The following MYOF variants were observed in gnomAD, a reference collection of about 807,000 sequenced individuals.
MYOF encodes fer-1-like 3, myoferlin.
Under a neutral mutation model 284.2 loss-of-function variants are expected in MYOF, and 244 were observed. That is an observed-to-expected ratio of 0.86 (90% CI 0.77 to 0.95). The LOEUF (loss-of-function observed/expected upper bound fraction) is 0.95. MYOF is among the 40% of genes least tolerant of loss of function. MYOF has a pLI of 0.00. For synonymous variants in MYOF, 904 were observed against 919.7 expected (o/e 0.98, Z 0.31); for missense variants, 2,496 against 2,560.6 (o/e 0.97, Z 0.54).
chr10:93,325,656 T>C (rs1843011971), intron 46 of MYOF, among the ~76,000 whole-genome samples, 170 bp downstream of exon 46: 2 of 152,198 alleles, frequency 1.3e-5, no homozygotes, highest in Non-Finnish European at 1.5e-5. Flanking sequence ...GAGAGTTACC[T>C]GAAAATTCTT....
chr10:93,369,371 A>G (rs1223241775), intron 25 of MYOF, among the ~76,000 whole-genome samples: 2 of 152,064 alleles, frequency 1.3e-5, no homozygotes, highest in Admixed American at 6.5e-5. Flanking sequence ...CAGTATTGCT[A>G]GTAAGATTGT....
chr10:93,468,405 C>T (rs2057060285), intron 1 of MYOF, among the ~76,000 whole-genome samples: 1 of 152,194 alleles, frequency 6.6e-6, no homozygotes, highest in African/African-American at 2.4e-5. Flanking sequence ...ATACCCATGC[C>T]CAAGACACAG....
intron 3 of MYOF, among the ~76,000 whole-genome samples, chr10:93,440,271 G>A (rs541840287): frequency 3.9e-5 from 6 of 152,218 alleles, no homozygotes; most frequent in African/African-American, 1.2e-4. Flanking sequence ...AATTAGTCGG[G>A]CGTGGTGGCG....
intron 5 of MYOF, among the ~76,000 whole-genome samples, chr10:93,414,105 G>A (rs1447633604): frequency 1.3e-5 from 2 of 152,152 alleles, no homozygotes; most frequent in African/African-American, 2.4e-5. Flanking sequence ...AAGCCTCGAG[G>A]GAAAAATCCT....
At chr10:93,396,929 C>T (rs1226887335) in intron 15 of MYOF, among the ~76,000 whole-genome samples, 1 of 152,128 alleles carries the variant, frequency 6.6e-6, no homozygotes, top group Non-Finnish European at 1.5e-5. Flanking sequence ...TGATTCTTCC[C>T]AAGAAATGCT....
intron 53 of MYOF, among the ~76,000 whole-genome samples, chr10:93,307,248 G>A (rs1306052670): frequency 1.3e-5 from 2 of 151,944 alleles, no homozygotes; most frequent in African/African-American, 4.8e-5. Context: ...GTCCTCTTGG[G>A]GGTGGGGAGC....
chr10:93,441,627 G>A (rs960334304), intron 3 of MYOF, among the ~76,000 whole-genome samples: 3 of 149,052 alleles, frequency 2.0e-5, no homozygotes, highest in Non-Finnish European at 3.0e-5. Context: ...GCAATGGCAC[G>A]GTCTCGGCTC....
At chr10:93,459,920 G>A (rs367586071) in intron 1 of MYOF, among the ~76,000 whole-genome samples, 1 of 151,354 alleles carries the variant, frequency 6.6e-6, no homozygotes, top group Non-Finnish European at 1.5e-5. Flanking sequence ...CCGGGGCTTG[G>A]GGGGGTGGAG....
intron 38 of MYOF, among the ~76,000 whole-genome samples, chr10:93,342,543 T>C (rs1346145974): frequency 6.6e-6 from 1 of 152,208 alleles, no homozygotes; most frequent in East Asian, 1.9e-4. Flanking sequence ...AATGTTTAAC[T>C]CTATGATGTA....
intron 46 of MYOF, 21 bp from the exon 47 acceptor site, chr10:93,323,379 A>G: frequency 6.3e-7 from 1 of 1,578,548 alleles, no homozygotes; most frequent in Non-Finnish European, 8.7e-7. Context: ...TGAAAATGAA[A>G]AGAGGACTGA....
chr10:93,326,230 A>C (rs1843041518), intron 45 of MYOF, among the ~76,000 whole-genome samples: 2 of 152,294 alleles, frequency 1.3e-5, no homozygotes, highest in South Asian at 4.1e-4. Flanking sequence ...AGCGTTATAT[A>C]TTTACTTCTG....
At position 93,365,946 on chromosome 10, in the gene MYOF, C is replaced by T. The variant is rs147051581; in HGVS notation, c.2753+446G>A. 4.6e-5 allele frequency among the ~76,000 whole-genome samples: 7 copies of T among 152,274 alleles called. No homozygotes were observed. The South Asian group carries it at 1.4e-3, about 32-fold the overall frequency. ...TGTGGGAATTCGGGCATGAAAAAGT[C>T]GAGCAAATATCAATACTCTGGCATT... On this transcript the variant is annotated intron_variant, in intron 26 of 53. Transcript: ENST00000359263.
intron 53 of MYOF, 129 bp from the exon 54 acceptor site, chr10:93,307,130 G>A (rs1425885224): frequency 9.0e-5 from 71 of 790,824 alleles, no homozygotes; most frequent in Non-Finnish European, 5.1e-5. Context: ...GGAGTGTCCT[G>A]TGCATTGTAG....
chr10:93,310,556 T>A lies in MYOF; in HGVS notation c.5977A>T (p.Asn1993Tyr). 1 of 1,614,140 alleles carries A rather than the reference T, an allele frequency of 6.2e-7. No individual in the cohort carries two copies. Among genetic ancestry groups the A allele is most frequent in the Non-Finnish European group, 8.5e-7 (1 of 1,180,018 alleles). ...AGKGRDEPNM[N>Y]PKLDLPNRPE... is the part of the protein sequence containing the mutation. The stretch of plus-strand genomic sequence containing the variant: ...CACTTTGGTAAGTCCAGCTTGGGGT[T>A]CATGTTGGGTTCGTCCCGCCCCTTC... Residue 1993 changes from asparagine (N) to tyrosine (Y), a missense_variant, in exon 52 of 54, where the codon AAC becomes TAC. By Grantham distance (143) the Asn-to-Tyr change is moderately radical (BLOSUM62 -2). Coordinates refer to ENST00000359263, the MANE Select transcript of MYOF (RefSeq NM_013451.4).
chr10:93,417,489 C>T (rs941100214), intron 5 of MYOF, among the ~76,000 whole-genome samples: 12 of 152,116 alleles, frequency 7.9e-5, no homozygotes, highest in Non-Finnish European at 1.0e-4. Flanking sequence ...TAGAGGACCT[C>T]GTGATACAGT....
chr10:93,310,225 C>G, intron 52 of MYOF, 58 bp from the exon 53 acceptor site: 1 of 1,575,694 alleles, frequency 6.3e-7, no homozygotes, highest in Non-Finnish European at 8.7e-7. Context: ...ATATTTTATT[C>G]CAGAGCATAA....
At position 93,329,889 on chromosome 10, in the gene MYOF, A is replaced by G. The variant is rs1229100048; in HGVS notation, c.4812-55T>C. 7.6e-6 allele frequency: 12 copies of G among 1,576,446 alleles called. No individual in the cohort carries two copies. In the East Asian group the frequency reaches 2.7e-4, roughly 35 times the overall value. ...TCATGATCCATCTGAGTACCTCACA[A>G]AAACTGGGGCTCTGTGCACAGAATT... On this transcript the variant is annotated intron_variant, in intron 43 of 53. Transcript: ENST00000359263.
chr10:93,455,581 C>T (rs556837262), intron 2 of MYOF, among the ~76,000 whole-genome samples: 25 of 152,124 alleles, frequency 1.6e-4, no homozygotes, highest in Non-Finnish European at 3.2e-4. Flanking sequence ...GGGAGGACCA[C>T]CTGAGCCCAG....
rs551007757 is a variant in MYOF, at chr10:93,400,853, GTTTTT to G, written c.1117+560_1117+564del. Among the ~76,000 whole-genome samples, 72 of 113,936 alleles carry G rather than the reference GTTTTT, an allele frequency of 6.3e-4. No individual in the cohort carries two copies. In the Middle Eastern group the frequency reaches 0.023, roughly 36 times the overall value. 74.7% of individuals were successfully genotyped at this position (113,936 alleles called of 152,430 possible). A position where few individuals can be genotyped will look rare whatever the true frequency, so the allele number is the denominator to read the frequency against. ...GACATTACTACCCTTTGCTCAGCAT[GTTTTT>G]TTTTTTTTTTTTTTTTTTGAGATGG... On this transcript the variant is annotated intron_variant, in intron 12 of 53. Coordinates refer to ENST00000359263, the MANE Select transcript of MYOF (RefSeq NM_013451.4).
Sources: allele counts gnomAD v4.1 joint callset (sites outside exome capture counted in the v4.1 genomes callset), GRCh38; gene constraint gnomAD v4.1.1; transcripts MANE v1.5; gene names NCBI Gene and HGNC (gene_info 2026-07-23, HGNC 2026-07-21).